The following TDRD3 variants were observed in gnomAD, a reference collection of about 807,000 sequenced individuals.
The protein encoded by TDRD3 is tudor domain-containing protein 3.
Under a neutral mutation model 86.7 loss-of-function variants are expected in TDRD3, and 45 were observed. The observed-to-expected ratio is 0.52, with a 90% CI of 0.41 to 0.67. The LOEUF (loss-of-function observed/expected upper bound fraction) is 0.67. Among genes scored for constraint, TDRD3 ranks in the 30% least tolerant of loss-of-function variants. The pLI is 0.00. For synonymous variants in TDRD3, 298 were observed against 301.7 expected (o/e 0.99, Z 0.13); for missense variants, 814 against 889.0 (o/e 0.92, Z 1.07).
intron 13 of TDRD3, among the ~76,000 whole-genome samples, chr13:60,568,164 A>G (rs1159012704): frequency 6.6e-6 from 1 of 152,198 alleles, no homozygotes; most frequent in Non-Finnish European, 1.5e-5. Context: ...TAGTTCTGCC[A>G]TCCTAAGTGA....
At position 60,538,577 on chromosome 13, in the gene TDRD3, G is replaced by A. The variant is rs74336074; in HGVS notation, c.2118+3344G>A. ...TTTAGCAAAGTAAATGAAACATTAT[G>A]GAGTCTCATGTTTCACTAGTAAAAT... On this transcript the variant is annotated intron_variant, in intron 12 of 13. Coordinates refer to ENST00000377881, the MANE Select transcript of TDRD3 (RefSeq NM_001146070.2). Among the ~76,000 whole-genome samples the A allele has an allele frequency of 7.2e-3, 1,100 of 152,056 alleles. 21 individuals carry two copies. The highest frequency in any genetic ancestry group is 0.025 in the African/African-American group (1,029 of 41,502).
intron 10 of TDRD3, among the ~76,000 whole-genome samples, 196 bp from the exon 11 acceptor site, chr13:60,528,171 G>C (rs1957491379): frequency 6.6e-6 from 1 of 152,112 alleles, no homozygotes; most frequent in Non-Finnish European, 1.5e-5. Flanking sequence ...TAATGTTGCT[G>C]ACTAAGAAAA....
At chr13:60,434,442 T>C (rs1210521217) in intron 1 of TDRD3, among the ~76,000 whole-genome samples, 2 of 149,334 alleles carry the variant, frequency 1.3e-5, no homozygotes, top group African/African-American at 5.0e-5. Context: ...CATTCCAGCC[T>C]GGTGAAAAGT....
At chr13:60,499,914 A>G (rs1311813746) in intron 8 of TDRD3, among the ~76,000 whole-genome samples, 3 of 152,226 alleles carry the variant, frequency 2.0e-5, no homozygotes, top group Non-Finnish European at 4.4e-5. Context: ...GGTCCAGAAC[A>G]GGAGAAGGCT....
chr13:60,463,403 A>T (rs1018555372), intron 4 of TDRD3, among the ~76,000 whole-genome samples: 1 of 151,768 alleles, frequency 6.6e-6, no homozygotes, highest in Non-Finnish European at 1.5e-5. Flanking sequence ...AAAACTATGA[A>T]ATTACTAGAA....
intron 13 of TDRD3, among the ~76,000 whole-genome samples, chr13:60,572,318 T>C (rs960087657): frequency 3.9e-5 from 6 of 152,250 alleles, no homozygotes; most frequent in African/African-American, 1.4e-4. Flanking sequence ...ACAGCATGGC[T>C]TCAAATACAT....
chr13:60,436,719 T>G (rs1355994327), intron 1 of TDRD3, among the ~76,000 whole-genome samples: 1 of 152,204 alleles, frequency 6.6e-6, no homozygotes, highest in Non-Finnish European at 1.5e-5. Flanking sequence ...TGGGCCTTGT[T>G]TGAAAGAAAT....
At chr13:60,554,522 TG>T (rs1383139742) in intron 12 of TDRD3, among the ~76,000 whole-genome samples, 6 of 152,148 alleles carry the variant, frequency 3.9e-5, no homozygotes, top group African/African-American at 1.4e-4. Flanking sequence ...CAATTTACAC[TG>T]GGGGCAGGGG....
chr13:60,498,988 A>G lies in TDRD3; in HGVS notation c.858+4413A>G, dbSNP rs541277225. ...GGTCATTTCCCCAGTGCCAGAATGC[A>G]TAATTGGAATAGACATACTTAGCAG... On this transcript the variant is annotated intron_variant, in intron 8 of 13. Coordinates refer to ENST00000377881, the MANE Select transcript of TDRD3 (RefSeq NM_001146070.2). Among the ~76,000 whole-genome samples the G allele has an allele frequency of 1.8e-3, 272 of 152,308 alleles. 1 individual carries two copies. The highest frequency in any genetic ancestry group is 3.1e-3 in the Non-Finnish European group (214 of 68,026).
intron 12 of TDRD3, among the ~76,000 whole-genome samples, chr13:60,562,462 CATGT>C (rs1255026008): frequency 5.9e-5 from 9 of 152,142 alleles, no homozygotes; most frequent in African/African-American, 2.2e-4. Flanking sequence ...AAGTCCATTA[CATGT>C]TTTGGGAAAG....
At chr13:60,452,100 G>A (rs1725621248) in intron 3 of TDRD3, among the ~76,000 whole-genome samples, 1 of 152,072 alleles carries the variant, frequency 6.6e-6, no homozygotes, top group Admixed American at 6.6e-5. Flanking sequence ...TCACTGAACC[G>A]GGAATTAGGA....
chr13:60,524,709 A>T (rs543516082), intron 10 of TDRD3, among the ~76,000 whole-genome samples: 1 of 152,120 alleles, frequency 6.6e-6, no homozygotes, highest in Non-Finnish European at 1.5e-5. Context: ...TGATTGGATG[A>T]TGAATCCAAG....
chr13:60,439,848 G>A, intron 2 of TDRD3, 76 bp downstream of exon 2: 1 of 962,242 alleles, frequency 1.0e-6, no homozygotes, highest in Admixed American at 3.2e-5. Context: ...GAGTAAATTG[G>A]GTTATATGAT....
intron 2 of TDRD3, among the ~76,000 whole-genome samples, chr13:60,442,695 G>C (rs1292590912): frequency 1.3e-5 from 2 of 152,044 alleles, no homozygotes; most frequent in African/African-American, 4.8e-5. Flanking sequence ...TGGCACTTTA[G>C]AAATTATGTA....
chr13:60,435,848 G>C (rs1312174545), intron 1 of TDRD3, among the ~76,000 whole-genome samples: 1 of 149,148 alleles, frequency 6.7e-6, no homozygotes, highest in African/African-American at 2.4e-5. Context: ...TCTCCATACT[G>C]TTTTCCGTAG....
intron 2 of TDRD3, among the ~76,000 whole-genome samples, chr13:60,440,483 C>T (rs1339074753): frequency 6.6e-6 from 1 of 152,072 alleles, no homozygotes; most frequent in Non-Finnish European, 1.5e-5. Context: ...GAGTTCGAGA[C>T]CAGCCTGGTC....
intron 12 of TDRD3, 59 bp from the exon 13 acceptor site, chr13:60,567,466 T>C (rs1022539209): frequency 3.4e-5 from 55 of 1,611,764 alleles, no homozygotes; most frequent in Admixed American, 1.0e-4. Flanking sequence ...TACAATTTTT[T>C]TTACTTAAGA....
At chr13:60,522,759 T>C (rs1957317634) in intron 10 of TDRD3, among the ~76,000 whole-genome samples, 1 of 152,246 alleles carries the variant, frequency 6.6e-6, no homozygotes, top group Non-Finnish European at 1.5e-5. Context: ...AGTCCTAGCG[T>C]CCAAATGTAT....
intron 4 of TDRD3, among the ~76,000 whole-genome samples, chr13:60,462,724 G>A (rs1430788745): frequency 7.9e-5 from 12 of 151,986 alleles, no homozygotes; most frequent in Admixed American, 7.2e-4. Flanking sequence ...ACCTTTGGGT[G>A]CCAATGAAAA....
Sources: gnomAD v4.1 joint callset for allele counts (sites outside exome capture counted in the v4.1 genomes callset) on GRCh38, gnomAD v4.1.1 for gene constraint, MANE v1.5 for transcripts, NCBI Gene and HGNC (gene_info 2026-07-23, HGNC 2026-07-21) for gene names.